CDC42BPB: variants seen among roughly 807,000 people sequenced by gnomAD.
The protein encoded by CDC42BPB is CDC42 binding protein kinase beta.
CDC42BPB carries 37 observed loss-of-function variants against 214.9 expected under a neutral mutation model. The ratio of observed to expected loss-of-function variants is 0.17; its 90% CI spans 0.13 to 0.23. The LOEUF is 0.23. Among genes scored for constraint, CDC42BPB ranks in the 10% least tolerant of loss-of-function variants. The pLI, the probability that CDC42BPB is intolerant of heterozygous loss-of-function variation, is 1.00. For synonymous variants in CDC42BPB, 931 were observed against 884.0 expected (o/e 1.05, Z -0.94); for missense variants, 1,694 against 2,227.0 (o/e 0.76, Z 4.82).
chr14:102,941,812 A>G (rs747068019), intron 30 of CDC42BPB, among the ~76,000 whole-genome samples: 1 of 152,208 alleles, frequency 6.6e-6, no homozygotes, highest in Non-Finnish European at 1.5e-5. Context: ...CACCTGCCCT[A>G]AGGGATGGGG....
intron 1 of CDC42BPB, among the ~76,000 whole-genome samples, chr14:103,031,137 G>A (rs147364668): frequency 2.6e-4 from 40 of 151,556 alleles, no homozygotes; most frequent in African/African-American, 8.5e-4. Flanking sequence ...TAAAAACGCC[G>A]GCATGAAGGA....
intron 1 of CDC42BPB, among the ~76,000 whole-genome samples, chr14:103,048,489 C>A (rs1285462667): frequency 7.0e-6 from 1 of 142,362 alleles, no homozygotes. Context: ...GAGATGGAGA[C>A]CATCCTGGCT....
chr14:102,933,405 T>TG lies in CDC42BPB; in HGVS notation c.*306dup, dbSNP rs927884809. 3.6e-6 allele frequency: 1 copy of TG among 280,138 alleles called. No homozygotes were observed. Among genetic ancestry groups the TG allele is most frequent in the Non-Finnish European group, 6.6e-6 (1 of 150,798 alleles). 17.4% of individuals were successfully genotyped at this position (280,138 alleles called of 1,614,324 possible). A position where few individuals can be genotyped will look rare whatever the true frequency, so the allele number is the denominator to read the frequency against. Reference sequence around the variant, plus strand: ...TCATGACGGGTTTCTGCTGAGGAAGTGGTGTTGGCAGGGCCCCATATGCCC... The same window carrying TG: ...TCATGACGGGTTTCTGCTGAGGAAGTGGGTGTTGGCAGGGCCCCATATGCCC... On this transcript the variant is annotated 3_prime_UTR_variant, in exon 37 of 37. Coordinates refer to ENST00000361246, the MANE Select transcript of CDC42BPB (RefSeq NM_006035.4).
At chr14:102,951,155 C>T (rs1310809288) in intron 24 of CDC42BPB, among the ~76,000 whole-genome samples, 4 of 152,256 alleles carry the variant, frequency 2.6e-5, no homozygotes, top group Non-Finnish European at 5.9e-5. Context: ...CATGCTGTCC[C>T]TGCCAGCCCG....
At chr14:102,971,043 C>CCTGG (rs1389974938) in intron 13 of CDC42BPB, among the ~76,000 whole-genome samples, 1 of 152,180 alleles carries the variant, frequency 6.6e-6, no homozygotes, top group African/African-American at 2.4e-5. Context: ...GGCTGCAAAC[C>CCTGG]CTGGGGTCCT....
rs1045860206 is a variant in CDC42BPB, at chr14:103,004,439, G to A, written c.352-416C>T. On this transcript the variant is annotated intron_variant, in intron 3 of 36. Transcript: ENST00000361246. This position sits in a 1 kb window ranked among gnomAD's most constrained non-coding sequence, Gnocchi z 5.3. ...TCCGTCCTATACCCACTACTGAGCT[G>A]CTGTGCAGCTGGCAGAAGGCGCACA... 1.3e-5 allele frequency among the ~76,000 whole-genome samples: 2 copies of A among 152,218 alleles called. No homozygotes were observed. The highest frequency in any genetic ancestry group is 4.8e-5 in the African/African-American group (2 of 41,444).
intron 12 of CDC42BPB, 92 bp downstream of exon 12, chr14:102,973,924 C>T: frequency 6.9e-7 from 1 of 1,450,396 alleles, no homozygotes; most frequent in Middle Eastern, 1.8e-4. Flanking sequence ...GGGCAGGAGT[C>T]CCAAGAGGTC....
Position 102,946,509 on chromosome 14 carries a change from G to A in CDC42BPB, c.3707C>T (p.Ser1236Leu), listed in dbSNP as rs1342134723. Residue 1236 changes from serine (S) to leucine (L), a missense_variant, in exon 28 of 37, where the codon TCG (serine) becomes TTG (leucine). Physicochemically the swap from Ser to Leu is moderately radical, Grantham distance 145 (BLOSUM62 -2). Transcript: ENST00000361246. Reference protein sequence around the residue: ...VHVPLEAYDSSLPLIKAILTA... With the variant: ...VHVPLEAYDSLLPLIKAILTA... ...CAGGATGGCCTTGATGAGAGGCAGC[G>A]AGCTGTCGTAGGCTTCCAAGGGAAC... 4 of 1,612,662 alleles carry A rather than the reference G, an allele frequency of 2.5e-6. No individual in the cohort carries two copies. The highest frequency in any genetic ancestry group is 1.7e-5 in the Admixed American group (1 of 60,002).
At chr14:102,980,646 GCA>G in intron 8 of CDC42BPB, 125 bp downstream of exon 8, 1 of 825,898 alleles carries the variant, frequency 1.2e-6, no homozygotes, top group East Asian at 2.5e-5. Context: ...GGAATAAAAA[GCA>G]CACTGTCTTA....
chr14:103,013,278 G>A (rs1886259896), intron 1 of CDC42BPB, among the ~76,000 whole-genome samples: 1 of 152,224 alleles, frequency 6.6e-6, no homozygotes, highest in South Asian at 2.1e-4. Context: ...AAGTGCTGGA[G>A]TCTCCCTGGA....
chr14:103,017,147 C>T (rs996054016), intron 1 of CDC42BPB, among the ~76,000 whole-genome samples: 1 of 152,188 alleles, frequency 6.6e-6, no homozygotes, highest in Non-Finnish European at 1.5e-5. Context: ...CATGACAAGA[C>T]TCTATCTCTA....
intron 26 of CDC42BPB, chr14:102,948,101 A>G: frequency 3.3e-6 from 1 of 298,516 alleles, no homozygotes; most frequent in Non-Finnish European, 4.5e-6. Context: ...TGGCACAGCC[A>G]GGCAGTCCCT....
chr14:102,988,871 C>CAAAAAA (rs34126680), intron 5 of CDC42BPB, among the ~76,000 whole-genome samples: 11 of 116,778 alleles, frequency 9.4e-5, no homozygotes, highest in Middle Eastern at 4.2e-3. Context: ...CCCCCCCTTC[C>CAAAAAA]AAAAAAAAAA....
Position 102,979,502 on chromosome 14 carries a change from G to A in CDC42BPB, c.1140+1271C>T, listed in dbSNP as rs181077881. Among the ~76,000 whole-genome samples the A allele has an allele frequency of 2.1e-3, 313 of 152,178 alleles. 2 individuals are homozygous for A. The highest frequency in any genetic ancestry group is 7.0e-3 in the African/African-American group (289 of 41,524). On this transcript the variant is annotated intron_variant, in intron 8 of 36. Transcript: ENST00000361246. ...TCTGGGACTACAGGGGTGACTCGCCGCACCCGGCCCAGATTTACCTTTTCC... is the reference window on the plus strand; with the variant it reads ...TCTGGGACTACAGGGGTGACTCGCCACACCCGGCCCAGATTTACCTTTTCC...
intron 1 of CDC42BPB, among the ~76,000 whole-genome samples, chr14:103,013,847 T>C (rs1378233513): frequency 1.3e-5 from 2 of 152,166 alleles, no homozygotes; most frequent in East Asian, 1.9e-4. Context: ...CCCCACTTTG[T>C]GGCAACTGGT....
intron 21 of CDC42BPB, among the ~76,000 whole-genome samples, chr14:102,957,853 G>A (rs891582785): frequency 3.3e-5 from 5 of 152,176 alleles, no homozygotes; most frequent in East Asian, 1.9e-4. Context: ...TCAACCCAAC[G>A]ATCAGACTTG....
chr14:102,956,079 A>C (rs1566855807), intron 21 of CDC42BPB, among the ~76,000 whole-genome samples: 1 of 152,250 alleles, frequency 6.6e-6, no homozygotes, highest in Non-Finnish European at 1.5e-5. Flanking sequence ...CTTTAGATAA[A>C]TGAGAAAAAG....
chr14:103,050,039 G>A (rs1192175857), intron 1 of CDC42BPB, among the ~76,000 whole-genome samples: 2 of 152,234 alleles, frequency 1.3e-5, no homozygotes, highest in Non-Finnish European at 2.9e-5. Flanking sequence ...GCTAAGATTA[G>A]ATGCGTCTTT....
intron 30 of CDC42BPB, chr14:102,941,238 G>A (rs1891875635): frequency 1.0e-6 from 1 of 985,350 alleles, no homozygotes; most frequent in African/African-American, 1.7e-5. Flanking sequence ...CCAAATGCAA[G>A]AGAGCTCCAG....
Sources: gnomAD v4.1 joint callset for allele counts (sites outside exome capture counted in the v4.1 genomes callset) on GRCh38, gnomAD v4.1.1 for gene constraint, Gnocchi (gnomAD v3.1) non-coding constraint, MANE v1.5 for transcripts, NCBI Gene and HGNC (gene_info 2026-07-23, HGNC 2026-07-21) for gene names.